The following USP32 variants were observed in gnomAD, a reference collection of about 807,000 sequenced individuals.
USP32 encodes ubiquitin specific peptidase 32, also known as ubiquitin carboxyl-terminal hydrolase 32.
USP32 carries 59 observed loss-of-function variants against 204.8 expected under a neutral mutation model. The observed-to-expected ratio is 0.29, with a 90% CI of 0.23 to 0.36. The LOEUF (loss-of-function observed/expected upper bound fraction) is 0.36, where lower values mean the gene tolerates loss of function less well. USP32 is among the 10% of genes least tolerant of loss of function. The probability of loss-of-function intolerance (pLI) is 1.00; values close to 1 mark genes in which losing one functional copy is unlikely to be tolerated. For synonymous variants in USP32, 517 were observed against 678.4 expected, an observed-to-expected ratio of 0.76 and a Z score of 3.70; for missense variants, 1,160 against 1,946.4, an observed-to-expected ratio of 0.60 and a Z score of 7.60.
At chr17:60,322,147 A>C (rs1187229181) in intron 2 of USP32, among the ~76,000 whole-genome samples, 1 of 152,110 alleles carries the variant, frequency 6.6e-6, no homozygotes. Flanking sequence ...CTTTAAAGTG[A>C]ACTGAGTAGG....
chr17:60,349,601 ATATATATATATATATATATATAT>A (rs1386009601), intron 1 of USP32, among the ~76,000 whole-genome samples: 3,237 of 42,644 alleles, frequency 0.076, 373 homozygotes, highest in African/African-American at 0.29. Flanking sequence ...AAAAAAATAT[ATATATATATATATATATATATAT>A]TATATATATA....
At chr17:60,256,220 A>G (rs551593096) in intron 9 of USP32, among the ~76,000 whole-genome samples, 2 of 152,250 alleles carry the variant, frequency 1.3e-5, no homozygotes, top group Admixed American at 1.3e-4. Context: ...AAATCAGAAT[A>G]GAGAAATAAG....
intron 1 of USP32, among the ~76,000 whole-genome samples, chr17:60,416,451 C>G (rs1380799885): frequency 6.6e-6 from 1 of 152,048 alleles, no homozygotes; most frequent in Admixed American, 6.6e-5. Context: ...CAACCCACAA[C>G]CCCCTCACCT....
chr17:60,229,818 T>G (rs2085496413), intron 12 of USP32, among the ~76,000 whole-genome samples: 1 of 152,166 alleles, frequency 6.6e-6, no homozygotes, highest in Admixed American at 6.5e-5. Context: ...TACTTTTTTT[T>G]TCCTTCTTTT....
chr17:60,334,257 A>G (rs2088460376), intron 2 of USP32, among the ~76,000 whole-genome samples: 1 of 152,152 alleles, frequency 6.6e-6, no homozygotes, highest in Non-Finnish European at 1.5e-5. Context: ...CTGGACTGCA[A>G]ATGAGGCCAT....
At chr17:60,380,284 A>C (rs965810483) in intron 1 of USP32, among the ~76,000 whole-genome samples, 2 of 152,194 alleles carry the variant, frequency 1.3e-5, no homozygotes, top group Non-Finnish European at 2.9e-5. Context: ...ATTAGAAAAG[A>C]AGCTAGGTGC....
chr17:60,267,512 A>C lies in USP32; in HGVS notation c.812-1421T>G, dbSNP rs556898354. ...TGTACATTCAATCTTTTTTTGGCAA[A>C]AACAATTTTAACTCTTTTTTTTTTC... is the stretch of plus-strand genomic sequence containing the variant. On this transcript the variant is annotated intron_variant, in intron 7 of 33. Coordinates refer to ENST00000300896, the MANE Select transcript of USP32 (RefSeq NM_032582.4). 4.9e-4 allele frequency among the ~76,000 whole-genome samples: 75 copies of C among 152,224 alleles called. 2 individuals carry two copies. The South Asian group carries it at 0.015, about 31-fold the overall frequency.
At chr17:60,249,579 C>T in intron 11 of USP32, 1 of 562,658 alleles carries the variant, frequency 1.8e-6, no homozygotes, top group South Asian at 2.4e-5. Context: ...TTTATTCCTG[C>T]TCTCCTTCAA....
At chr17:60,318,458 A>G (rs1323696629) in intron 2 of USP32, among the ~76,000 whole-genome samples, 1 of 152,260 alleles carries the variant, frequency 6.6e-6, no homozygotes, top group Non-Finnish European at 1.5e-5. Flanking sequence ...AGGGAAAAGG[A>G]CTTGTTCACA....
At chr17:60,252,346 A>T in intron 11 of USP32, 35 bp downstream of exon 11, 2 of 1,521,198 alleles carry the variant, frequency 1.3e-6, no homozygotes, top group Non-Finnish European at 1.8e-6. Context: ...CAAGTATGTG[A>T]AATTTCAACT....
At chr17:60,188,469 T>A (rs1372771786) in intron 29 of USP32, among the ~76,000 whole-genome samples, 7 of 152,092 alleles carry the variant, frequency 4.6e-5, no homozygotes, top group Non-Finnish European at 7.3e-5. Context: ...TTCCAGTATA[T>A]GCAACTTTAT....
intron 1 of USP32, among the ~76,000 whole-genome samples, chr17:60,370,337 C>T (rs529984328): frequency 2.0e-5 from 3 of 152,000 alleles, no homozygotes; most frequent in South Asian, 2.1e-4. Flanking sequence ...TACTTTGACA[C>T]CAATCCAAAA....
At chr17:60,371,700 G>A (rs2089444848) in intron 1 of USP32, among the ~76,000 whole-genome samples, 1 of 152,138 alleles carries the variant, frequency 6.6e-6, no homozygotes, top group South Asian at 2.1e-4. Context: ...CAATCAGGAT[G>A]GCTAAACTGA....
intron 9 of USP32, among the ~76,000 whole-genome samples, chr17:60,259,985 C>CT (rs995708865): frequency 1.3e-5 from 2 of 152,106 alleles, no homozygotes; most frequent in Non-Finnish European, 1.5e-5. Flanking sequence ...GTTCTATACC[C>CT]TTTCACTTAA....
At chr17:60,308,932 T>C (rs1195494698) in intron 2 of USP32, among the ~76,000 whole-genome samples, 2 of 151,708 alleles carry the variant, frequency 1.3e-5, no homozygotes, top group Admixed American at 6.6e-5. Flanking sequence ...TGTCTCAAAA[T>C]AAAAAACAAG....
intron 26 of USP32, among the ~76,000 whole-genome samples, chr17:60,204,548 A>G (rs1451026987): frequency 6.6e-6 from 1 of 150,406 alleles, no homozygotes; most frequent in Non-Finnish European, 1.5e-5. Flanking sequence ...CGCTCACTGC[A>G]ACCTCTGCCT....
chr17:60,422,402 A>AC, exon 1 of USP32: 1 of 1,403,818 alleles, frequency 7.1e-7, no homozygotes, highest in Non-Finnish European at 9.5e-7. Context: ...AGCTGCAGCC[A>AC]CCCCTAAGAA....
chr17:60,411,802 A>G (rs2090020965), intron 1 of USP32, among the ~76,000 whole-genome samples: 1 of 152,098 alleles, frequency 6.6e-6, no homozygotes, highest in South Asian at 2.1e-4. Flanking sequence ...TTTATGTTGT[A>G]GTATATATGA....
intron 16 of USP32, among the ~76,000 whole-genome samples, chr17:60,219,291 A>G (rs539895098): frequency 3.0e-4 from 45 of 152,212 alleles, no homozygotes; most frequent in Non-Finnish European, 4.6e-4. Context: ...AATGACTGGT[A>G]TACTACTACT....
Sources: allele counts gnomAD v4.1 joint callset (sites outside exome capture counted in the v4.1 genomes callset), GRCh38; gene constraint gnomAD v4.1.1; transcripts MANE v1.5; gene names NCBI Gene and HGNC (gene_info 2026-07-23, HGNC 2026-07-21).